The following ARB2A variants were observed in gnomAD, a reference collection of about 807,000 sequenced individuals.
ARB2A encodes cotranscriptional regulator ARB2A.
the ARB2A span, among the ~76,000 whole-genome samples, chr5:93,845,616 G>C: frequency 6.6e-6 from 1 of 152,302 alleles, no homozygotes; most frequent in South Asian, 2.1e-4. Context: ...AGCCATAATG[G>C]CAAGGATGCA....
chr5:93,816,326 T>C, the ARB2A span, among the ~76,000 whole-genome samples: 4 of 152,186 alleles, frequency 2.6e-5, no homozygotes, highest in Non-Finnish European at 5.9e-5. Context: ...AGGCTTACAA[T>C]AGTCAATCAT....
the ARB2A span, among the ~76,000 whole-genome samples, chr5:93,860,158 T>A: frequency 0.011 from 1,710 of 152,170 alleles, 32 homozygotes; most frequent in African/African-American, 0.04. Flanking sequence ...CCGGGTGTTG[T>A]GGCACACACC....
chr5:94,049,678 T>C, the ARB2A span, among the ~76,000 whole-genome samples: 2 of 150,972 alleles, frequency 1.3e-5, no homozygotes, highest in African/African-American at 4.9e-5. Context: ...AAAAATTAGG[T>C]GGGCATGGTG....
the ARB2A span, among the ~76,000 whole-genome samples, chr5:93,642,183 A>G: frequency 2.7e-5 from 4 of 147,670 alleles, no homozygotes; most frequent in Non-Finnish European, 6.0e-5. Context: ...GAGTCTCCCT[A>G]TGTTGCCTAG....
chr5:93,949,565 A>AAAT, the ARB2A span, among the ~76,000 whole-genome samples: 7 of 151,724 alleles, frequency 4.6e-5, no homozygotes, highest in East Asian at 3.9e-4. Flanking sequence ...CTAATAATAA[A>AAAT]AATAATAATA....
chr5:93,845,498 T>C, the ARB2A span, among the ~76,000 whole-genome samples: 1 of 152,308 alleles, frequency 6.6e-6, no homozygotes, highest in African/African-American at 2.4e-5. Flanking sequence ...GAGTAATCTG[T>C]CACAGAAGAG....
At chr5:94,011,143 T>C in the ARB2A span, among the ~76,000 whole-genome samples, 1 of 152,192 alleles carries the variant, frequency 6.6e-6, no homozygotes, top group Non-Finnish European at 1.5e-5. Flanking sequence ...ATCCTTCACA[T>C]GGCTTTAAAG....
chr5:93,642,528 C>T, the ARB2A span, among the ~76,000 whole-genome samples: 4 of 152,016 alleles, frequency 2.6e-5, no homozygotes, highest in South Asian at 2.1e-4. Flanking sequence ...TGCACCATCA[C>T]GCCTGGCTAA....
the ARB2A span, among the ~76,000 whole-genome samples, chr5:93,920,286 C>A: frequency 6.6e-6 from 1 of 152,036 alleles, no homozygotes; most frequent in South Asian, 2.1e-4. Context: ...AACTTCATAA[C>A]GAGCCATAGA....
chr5:93,702,464 C>T, the ARB2A span, among the ~76,000 whole-genome samples: 3 of 152,096 alleles, frequency 2.0e-5, no homozygotes, highest in Non-Finnish European at 4.4e-5. Context: ...GATTTGTCTA[C>T]CTAGTATCTA....
chr5:93,905,334 C>CTTAA, the ARB2A span, among the ~76,000 whole-genome samples: 2 of 151,568 alleles, frequency 1.3e-5, no homozygotes, highest in South Asian at 4.1e-4. Flanking sequence ...TTCCCAGTCT[C>CTTAA]TATTAATTCT....
At chr5:93,969,202 C>T in the ARB2A span, among the ~76,000 whole-genome samples, 1 of 151,610 alleles carries the variant, frequency 6.6e-6, no homozygotes, top group Non-Finnish European at 1.5e-5. Context: ...TAACAGATAA[C>T]AGTTTGTTTA....
the ARB2A span, among the ~76,000 whole-genome samples, chr5:94,048,930 A>G: frequency 0.015 from 2,238 of 152,320 alleles, 60 homozygotes; most frequent in African/African-American, 0.051. Flanking sequence ...GCAGGAGATC[A>G]AAGAATTGTC....
chr5:94,015,547 T>C, the ARB2A span, among the ~76,000 whole-genome samples: 1 of 152,184 alleles, frequency 6.6e-6, no homozygotes, highest in Non-Finnish European at 1.5e-5. Flanking sequence ...CTCATAATTC[T>C]AGTATGAAGC....
the ARB2A span, among the ~76,000 whole-genome samples, chr5:93,777,984 T>C: frequency 6.6e-6 from 1 of 152,100 alleles, no homozygotes; most frequent in Admixed American, 6.5e-5. Flanking sequence ...CAGATTTTTG[T>C]AAGAAACAGT....
At chr5:94,000,187 T>C in the ARB2A span, among the ~76,000 whole-genome samples, 1 of 152,098 alleles carries the variant, frequency 6.6e-6, no homozygotes, top group African/African-American at 2.4e-5. Context: ...TACCAAAAAG[T>C]GCGATTGCTA....
the ARB2A span, among the ~76,000 whole-genome samples, chr5:94,055,035 G>A: frequency 2.0e-5 from 3 of 152,026 alleles, no homozygotes. Context: ...TCCTGTACCA[G>A]CCCTAGAATC....
the ARB2A span, among the ~76,000 whole-genome samples, chr5:93,967,773 T>C: frequency 7.9e-5 from 12 of 152,144 alleles, no homozygotes; most frequent in African/African-American, 2.7e-4. Context: ...GAAGAGAAAC[T>C]ATTTTACCAG....
chr5:93,619,837 G>A, the ARB2A span: 12 of 152,120 alleles, frequency 7.9e-5, no homozygotes, highest in African/African-American at 2.9e-4. Context: ...TATACCATTG[G>A]ACTGAGAGAA....
Sources: gnomAD v4.1 joint callset for allele counts (sites outside exome capture counted in the v4.1 genomes callset) on GRCh38, gnomAD v4.1.1 for gene constraint, MANE v1.5 for transcripts, NCBI Gene and HGNC (gene_info 2026-07-23, HGNC 2026-07-21) for gene names.